The following STEAP3 variants were observed in gnomAD, a reference collection of about 807,000 sequenced individuals.
STEAP3 encodes the protein metalloreductase STEAP3.
A neutral mutation model predicts 34.9 loss-of-function variants in STEAP3; 35 were observed. The ratio of observed to expected loss-of-function variants is 1.00; its 90% confidence interval spans 0.76 to 1.33. STEAP3 has a LOEUF of 1.33. Ranked by LOEUF, STEAP3 falls within the 40% of genes most tolerant of loss-of-function variation. STEAP3 has a pLI of 0.00. For synonymous variants in STEAP3, 281 were observed against 301.6 expected (o/e 0.93, Z 0.71); for missense variants, 652 against 667.6 (o/e 0.98, Z 0.26).
intron 2 of STEAP3, among the ~76,000 whole-genome samples, chr2:119,235,278 G>A (rs1033223790): frequency 1.3e-5 from 2 of 152,240 alleles, no homozygotes; most frequent in African/African-American, 4.8e-5. Flanking sequence ...CAAGGGGTAC[G>A]TAGGGACAGA....
At chr2:119,244,661 G>T (rs2104816724) in intron 2 of STEAP3, 1 of 152,230 alleles carries the variant, frequency 6.6e-6, no homozygotes, top group Non-Finnish European at 1.5e-5. Context: ...CATACTTAAA[G>T]GAAATAGCAA....
At chr2:119,238,652 T>C (rs980971526) in intron 2 of STEAP3, among the ~76,000 whole-genome samples, 1 of 152,146 alleles carries the variant, frequency 6.6e-6, no homozygotes, top group African/African-American at 2.4e-5. Flanking sequence ...TGGGGGGCTT[T>C]AAGAGGTGAG....
chr2:119,224,242 G>A (rs1372250627), intron 1 of STEAP3, among the ~76,000 whole-genome samples: 1 of 152,204 alleles, frequency 6.6e-6, no homozygotes, highest in Non-Finnish European at 1.5e-5. Context: ...TGTGCCCCAC[G>A]GCTGGGGCTC....
chr2:119,245,292 G>A, intron 2 of STEAP3, 197 bp from the exon 3 acceptor site: 1 of 677,546 alleles, frequency 1.5e-6, no homozygotes, highest in Non-Finnish European at 2.4e-6. Context: ...TGCTCTTCCT[G>A]AGTCTGTGCT....
intron 3 of STEAP3, chr2:119,246,260 G>A: frequency 2.3e-6 from 1 of 440,308 alleles, no homozygotes; most frequent in Non-Finnish European, 4.1e-6. Context: ...TAGAGGGCAA[G>A]GAGGAAAAGG....
Position 119,247,726 on chromosome 2 carries a change from G to T in STEAP3, c.570G>T (p.Glu190Asp). The change falls in exon 4 of 6, where the codon GAG becomes GAT. Residue 190 changes from glutamate to aspartate, a missense_variant. Transcript: ENST00000393110. The part of the protein sequence containing the change: ...DQPEAKRAVS[E>D]MALAMGFMPV... ...CAGAAGCCAAGCGTGCTGTCTCGGA[G>T]ATGGCGCTCGCCATGGGCTTCATGC... The T allele has an allele frequency of 6.3e-7, 1 of 1,576,038 alleles. No homozygotes were observed. The highest frequency in any genetic ancestry group is 8.6e-7 in the Non-Finnish European group (1 of 1,163,180).
At position 119,243,779 on chromosome 2, in the gene STEAP3, A is replaced by T. The variant is rs559869090; in HGVS notation, c.23-1710A>T. Reference sequence around the variant, plus strand: ...GGGAGGCACACAGACTTGTCTGAAGACACACAGCTGCTTCATAGCAGAGCC... The same window carrying T: ...GGGAGGCACACAGACTTGTCTGAAGTCACACAGCTGCTTCATAGCAGAGCC... On this transcript the variant is annotated intron_variant, in intron 2 of 5. Coordinates refer to ENST00000393110, the MANE Select transcript of STEAP3 (RefSeq NM_182915.3). 2.2e-4 allele frequency among the ~76,000 whole-genome samples: 33 copies of T among 152,354 alleles called. 1 individual carries two copies. The East Asian group carries it at 5.6e-3, about 26-fold the overall frequency.
At chr2:119,259,569 G>A (rs1417078582) in intron 5 of STEAP3, among the ~76,000 whole-genome samples, 1 of 152,232 alleles carries the variant, frequency 6.6e-6, no homozygotes, top group Non-Finnish European at 1.5e-5. Flanking sequence ...ATGAACAGGA[G>A]GAGCTGACTG....
intron 2 of STEAP3, chr2:119,244,406 T>G (rs1000770081): frequency 1.3e-5 from 2 of 151,590 alleles, no homozygotes; most frequent in Non-Finnish European, 2.9e-5. Context: ...CTGGCTAATT[T>G]TTTTTTTATT....
At chr2:119,239,242 A>G (rs1250370298) in intron 2 of STEAP3, 1 of 152,380 alleles carries the variant, frequency 6.6e-6, no homozygotes, top group Admixed American at 6.5e-5. Flanking sequence ...TCAGTCTAGA[A>G]AAGAGTTCTG....
chr2:119,244,105 G>A (rs966618548), intron 2 of STEAP3, among the ~76,000 whole-genome samples: 36 of 152,234 alleles, frequency 2.4e-4, no homozygotes, highest in African/African-American at 7.9e-4. Context: ...GAAACACAGC[G>A]AAAATATTTT....
rs946814171 is a variant in STEAP3, at chr2:119,236,173, C to G, written c.22+5139C>G. ...TGTATTGATTTGGGTGCATCTATTT[C>G]TGCTTTACCCAGACAAAAAGATTTA... On this transcript the variant is annotated intron_variant, in intron 2 of 5. Coordinates refer to ENST00000393110, the MANE Select transcript of STEAP3 (RefSeq NM_182915.3). Among the ~76,000 whole-genome samples, 5 of 152,172 alleles carry G rather than the reference C, an allele frequency of 3.3e-5. 1 individual carries two copies. The highest frequency in any genetic ancestry group is 4.1e-4 in the South Asian group (2 of 4,828).
intron 1 of STEAP3, among the ~76,000 whole-genome samples, chr2:119,226,301 G>A (rs1352012611): frequency 5.9e-5 from 9 of 152,206 alleles, no homozygotes; most frequent in Non-Finnish European, 1.2e-4. Context: ...ACTCTTTCCT[G>A]TCCACCCACG....
Position 119,263,313 on chromosome 2 carries a change from TGGCC to T in STEAP3, c.1474_1477del (p.Ala492ArgfsTer61). On this transcript the variant is annotated frameshift_variant, in exon 6 of 6. Transcript: ENST00000393110. LOFTEE classifies it high-confidence loss of function. ...TTCACGCTGCCCACAGACCACGCCCTGGCCGAGAAGACGAGCCACGTATGAGGTG... is the reference window on the plus strand; with the variant it reads ...TTCACGCTGCCCACAGACCACGCCCTGAGAAGACGAGCCACGTATGAGGTG... 1 of 1,613,226 alleles carries T rather than the reference TGGCC, an allele frequency of 6.2e-7. No homozygotes were observed. The highest frequency in any genetic ancestry group is 8.5e-7 in the Non-Finnish European group (1 of 1,179,846).
rs1442867333 is a variant in STEAP3 at position 119,254,976 on chromosome 2, G to A, written c.1215+128G>A. 20 of 1,227,456 alleles carry A rather than the reference G, an allele frequency of 1.6e-5. No homozygotes were observed. The South Asian group carries it at 2.1e-4, about 13-fold the overall frequency. The allele number at this position is 1,227,456 out of a possible 1,614,324, so 76.0% of individuals were successfully genotyped here. ...GCACAGCAGGACCACTCGGTGAGAT[G>A]CCAGGCCTTCCTGACCCAGAGGGCC... is the stretch of plus-strand genomic sequence containing the variant. On this transcript the variant is annotated intron_variant, in intron 5 of 5. Transcript: ENST00000393110.
Position 119,257,541 on chromosome 2 carries a change from C to T in STEAP3, c.1215+2693C>T, listed in dbSNP as rs1333445461. ...GTCCCAAGACCCCCACTTACCTGCC[C>T]CGCATCATCAGACAAGTTTCCTAGG... On this transcript the variant is annotated intron_variant, in intron 5 of 5. Coordinates refer to ENST00000393110, the MANE Select transcript of STEAP3 (RefSeq NM_182915.3). 3.9e-6 allele frequency: 6 copies of T among 1,544,128 alleles called. No individual in the cohort carries two copies. In the East Asian group the frequency reaches 1.2e-4, roughly 32 times the overall value.
At chr2:119,249,763 T>C (rs1362234233) in intron 4 of STEAP3, among the ~76,000 whole-genome samples, 1 of 152,144 alleles carries the variant, frequency 6.6e-6, no homozygotes, top group Non-Finnish European at 1.5e-5. Flanking sequence ...ACTGCCCTCG[T>C]CCTTTGCCAC....
At chr2:119,260,238 G>A (rs1233485030) in intron 5 of STEAP3, among the ~76,000 whole-genome samples, 1 of 151,914 alleles carries the variant, frequency 6.6e-6, no homozygotes, top group Non-Finnish European at 1.5e-5. Flanking sequence ...GGGTGGGAGG[G>A]CCCACAGTTA....
chr2:119,258,866 C>G (rs1205522655), intron 5 of STEAP3, among the ~76,000 whole-genome samples: 2 of 151,128 alleles, frequency 1.3e-5, no homozygotes, highest in African/African-American at 4.9e-5. Context: ...TCATGATCCG[C>G]CTGCCTCGGC....
Sources: allele counts gnomAD v4.1 joint callset (sites outside exome capture counted in the v4.1 genomes callset), GRCh38; gene constraint gnomAD v4.1.1; transcripts MANE v1.5; gene names NCBI Gene and HGNC (gene_info 2026-07-23, HGNC 2026-07-21).